ZC4H2: variants seen among roughly 807,000 people sequenced by gnomAD.
ZC4H2 encodes the protein zinc finger C4H2-type containing.
For synonymous variants in ZC4H2, 84 were observed against 66.3 expected (o/e 1.27, Z -1.30); for missense variants, 137 against 173.9 (o/e 0.79, Z 1.19).
intron 1 of ZC4H2, among the ~76,000 whole-genome samples, chrX:64,952,784 C>A (rs990408729): frequency 2.7e-5 from 3 of 110,251 alleles, no homozygotes; most frequent in Non-Finnish European, 5.7e-5. Context: ...CATCAAGTTA[C>A]CAATGACTTT....
chrX:64,934,169 T>C (rs992450862), intron 1 of ZC4H2, among the ~76,000 whole-genome samples: 5 of 112,205 alleles, frequency 4.5e-5, no homozygotes, highest in Admixed American at 3.8e-4. Context: ...GTTACCTTGT[T>C]GTGGTCCCTT....
chrX:64,920,339 TC>T, intron 2 of ZC4H2, 86 bp from the exon 3 acceptor site: 2 of 1,018,107 alleles, frequency 2.0e-6, no homozygotes, highest in Non-Finnish European at 2.7e-6. Flanking sequence ...TAGCACAAGC[TC>T]CAGAACTTGT....
Position 64,916,017 on chromosome X carries a change from G to A in ZC4H2, c.*1766C>T, listed in dbSNP as rs1484485859. The A allele has an allele frequency of 8.9e-6, 1 of 111,890 alleles. No individual in the cohort carries two copies. The highest frequency in any genetic ancestry group is 1.9e-5 in the Non-Finnish European group (1 of 53,213). 9.2% of individuals were successfully genotyped at this position (111,890 alleles called of 1,213,427 possible). A position where few individuals can be genotyped will look rare whatever the true frequency, so the allele number is the denominator to read the frequency against. On this transcript the variant is annotated 3_prime_UTR_variant, in exon 5 of 5. Coordinates refer to ENST00000374839, the MANE Select transcript of ZC4H2 (RefSeq NM_018684.4). ...ATCAAGCCATTCTGAAAGGGAGAAA[G>A]GTTTTCTTAAAAATGATCATGGAGA... is the stretch of plus-strand genomic sequence containing the variant.
intron 1 of ZC4H2, among the ~76,000 whole-genome samples, chrX:64,942,201 C>A (rs1930320764): frequency 9.0e-6 from 1 of 111,559 alleles, no homozygotes; most frequent in Non-Finnish European, 1.9e-5. Context: ...TTAGTATTCT[C>A]TGATGGTAGT....
chrX:64,971,403 G>C (rs1396174191), intron 1 of ZC4H2, among the ~76,000 whole-genome samples: 2 of 111,983 alleles, frequency 1.8e-5, no homozygotes, highest in African/African-American at 6.5e-5. Flanking sequence ...ACTGGGAGGT[G>C]GAGAGTGGGG....
intron 1 of ZC4H2, among the ~76,000 whole-genome samples, chrX:64,935,508 A>C (rs1929962361): frequency 9.1e-6 from 1 of 109,685 alleles, no homozygotes; most frequent in African/African-American, 3.3e-5. Flanking sequence ...TGAGTCCCTG[A>C]CCCCCATGTT....
At chrX:65,014,572 A>G (rs1932785128) in intron 1 of ZC4H2, among the ~76,000 whole-genome samples, 1 of 111,600 alleles carries the variant, frequency 9.0e-6, no homozygotes, top group South Asian at 3.7e-4. Flanking sequence ...TACAGAAAAA[A>G]CTGGGTTTAA....
chrX:65,018,796 C>T (rs1461174872), intron 1 of ZC4H2, among the ~76,000 whole-genome samples: 1 of 111,609 alleles, frequency 9.0e-6, no homozygotes, highest in African/African-American at 3.3e-5. Flanking sequence ...TTGAAATTCT[C>T]ACTGCCAGTA....
At chrX:64,941,781 T>C (rs188968949) in intron 1 of ZC4H2, among the ~76,000 whole-genome samples, 1 of 112,211 alleles carries the variant, frequency 8.9e-6, no homozygotes. Flanking sequence ...GATGTGCTGC[T>C]GGATTCGGTT....
chrX:64,953,687 T>A (rs1377213260), intron 1 of ZC4H2, among the ~76,000 whole-genome samples: 1 of 111,681 alleles, frequency 9.0e-6, no homozygotes, highest in Non-Finnish European at 1.9e-5. Flanking sequence ...GGAGAGAATG[T>A]GGAGAAATAG....
chrX:65,023,829 C>A (rs1932855191), intron 1 of ZC4H2, among the ~76,000 whole-genome samples: 1 of 111,560 alleles, frequency 9.0e-6, no homozygotes, highest in East Asian at 2.8e-4. Context: ...TGGCACTGTT[C>A]ACAATAGCAA....
chrX:65,005,211 C>A (rs890808127), intron 1 of ZC4H2, among the ~76,000 whole-genome samples: 1 of 111,609 alleles, frequency 9.0e-6, no homozygotes, highest in African/African-American at 3.3e-5. Context: ...TGACTTTCTT[C>A]AAAGAATTGG....
intron 1 of ZC4H2, among the ~76,000 whole-genome samples, chrX:64,992,829 C>T (rs1932336043): frequency 9.0e-6 from 1 of 111,704 alleles, no homozygotes; most frequent in African/African-American, 3.3e-5. Context: ...AGATCTAATC[C>T]TTGCACCTCC....
intron 1 of ZC4H2, among the ~76,000 whole-genome samples, chrX:64,990,594 C>T (rs1235119532): frequency 4.5e-5 from 5 of 111,688 alleles, no homozygotes; most frequent in African/African-American, 1.6e-4. Context: ...TAACAAGTTA[C>T]CTAAGAAAAA....
At chrX:64,986,440 T>G (rs1038753317) in intron 1 of ZC4H2, among the ~76,000 whole-genome samples, 2 of 111,862 alleles carry the variant, frequency 1.8e-5, no homozygotes, top group African/African-American at 6.5e-5. Context: ...ACATTGGAGT[T>G]AGTTAGTGAG....
At chrX:64,960,086 G>A (rs1569216988) in intron 1 of ZC4H2, among the ~76,000 whole-genome samples, 1 of 110,737 alleles carries the variant, frequency 9.0e-6, no homozygotes, top group African/African-American at 3.3e-5. Flanking sequence ...ATCTCCAAAA[G>A]ATGGAAAGGC....
chrX:64,978,319 TC>T (rs1932009896), upstream of ZC4H2, among the ~76,000 whole-genome samples: 1 of 112,168 alleles, frequency 8.9e-6, no homozygotes, highest in African/African-American at 3.2e-5. Context: ...GTAATAACTT[TC>T]TTAACCATAA....
intron 1 of ZC4H2, among the ~76,000 whole-genome samples, chrX:64,949,493 G>A (rs1485569050): frequency 9.0e-6 from 1 of 111,215 alleles, no homozygotes; most frequent in Non-Finnish European, 1.9e-5. Context: ...TATATTATGC[G>A]ACCTCTAACT....
chrX:65,006,836 A>C (rs1157289836), intron 1 of ZC4H2, among the ~76,000 whole-genome samples: 1 of 112,400 alleles, frequency 8.9e-6, no homozygotes, highest in Non-Finnish European at 1.9e-5. Context: ...TTAAACATTA[A>C]AAGTAGACAC....
Sources: allele counts gnomAD v4.1 joint callset (sites outside exome capture counted in the v4.1 genomes callset), GRCh38; gene constraint gnomAD v4.1.1; transcripts MANE v1.5; gene names NCBI Gene and HGNC (gene_info 2026-07-23, HGNC 2026-07-21).